The following INO80 variants were observed in gnomAD, a reference collection of about 807,000 sequenced individuals.
INO80 encodes INO80 complex ATPase subunit, also known as chromatin-remodeling ATPase INO80.
Under a neutral mutation model 203.4 loss-of-function variants are expected in INO80, and 20 were observed. That is an observed-to-expected ratio of 0.10 (90% confidence interval 0.07 to 0.14). INO80 has a LOEUF of 0.14. Among genes scored for constraint, INO80 ranks in the 10% least tolerant of loss-of-function variants. The pLI is 1.00. For synonymous variants in INO80, 726 were observed against 685.2 expected (o/e 1.06, Z -0.93); for missense variants, 1,419 against 1,914.4 (o/e 0.74, Z 4.83).
intron 24 of INO80, among the ~76,000 whole-genome samples, chr15:41,031,948 CACAGCACAGCACAGG>C (rs775289796): frequency 0.018 from 1,451 of 81,750 alleles, 121 homozygotes; most frequent in Middle Eastern, 0.03. Flanking sequence ...CACAGCACAG[CACAGCACAGCACAGG>C]ACAGCACAGC....
intron 21 of INO80, among the ~76,000 whole-genome samples, chr15:41,048,842 C>T (rs904815572): frequency 2.6e-5 from 4 of 152,148 alleles, no homozygotes; most frequent in African/African-American, 9.7e-5. Flanking sequence ...GAATGGAAGT[C>T]GTCTCTAGTG....
intron 24 of INO80, among the ~76,000 whole-genome samples, chr15:41,031,968 C>G (rs866090379): frequency 0.043 from 2,922 of 67,842 alleles, 149 homozygotes; most frequent in African/African-American, 0.13. Flanking sequence ...CACAGGACAG[C>G]ACAGCACAGC....
chr15:41,069,361 G>A (rs1007858653), intron 14 of INO80, among the ~76,000 whole-genome samples: 11 of 151,616 alleles, frequency 7.3e-5, no homozygotes, highest in South Asian at 2.1e-4. Context: ...TAGTAGAGAC[G>A]GGGTTTCACC....
At chr15:41,054,334 T>C (rs1007032353) in intron 18 of INO80, among the ~76,000 whole-genome samples, 6 of 152,190 alleles carry the variant, frequency 3.9e-5, no homozygotes, top group African/African-American at 4.8e-5. Context: ...CCCCAAAAAT[T>C]ACCTTCCAAA....
intron 27 of INO80, among the ~76,000 whole-genome samples, chr15:41,006,078 G>A (rs530182688): frequency 2.7e-5 from 4 of 150,856 alleles, no homozygotes; most frequent in South Asian, 4.2e-4. Flanking sequence ...TCACTGAAAC[G>A]AATGTGTTTC....
chr15:41,091,889 T>C (rs2045650005), intron 5 of INO80, 138 bp downstream of exon 5: 1 of 588,814 alleles, frequency 1.7e-6, no homozygotes, highest in East Asian at 2.8e-5. Flanking sequence ...CTTGACCTCA[T>C]GATCCGCCCG....
chr15:41,093,804 C>T (rs866938044), intron 4 of INO80, among the ~76,000 whole-genome samples: 2 of 151,874 alleles, frequency 1.3e-5, no homozygotes, highest in Admixed American at 6.6e-5. Flanking sequence ...GAGATTGTGC[C>T]ACCGCACTCC....
chr15:40,997,208 G>A, intron 29 of INO80, among the ~76,000 whole-genome samples: 1 of 151,998 alleles, frequency 6.6e-6, no homozygotes, highest in Non-Finnish European at 1.5e-5. Flanking sequence ...GGCTGGGGAG[G>A]TTGAAGCTAC....
rs1261756916 is a variant in INO80 at position 41,085,501 on chromosome 15, C to G, written c.741G>C (p.Gln247His). ...GAGAAAACTTGGCAAAGACTTTGGT[C>G]TGGTGGTGATGGCGACGAGGGGATT... Reference protein sequence around the residue: ...SEESPRRHHHQTKVFAKFSHD... With the variant: ...SEESPRRHHHHTKVFAKFSHD... Residue 247 changes from glutamine (Q) to histidine (H), a missense_variant, in exon 7 of 36, where the codon CAG (glutamine) becomes CAC (histidine). Transcript: ENST00000648947. 1 of 1,614,040 alleles carries G rather than the reference C, an allele frequency of 6.2e-7. No individual in the cohort carries two copies. Among genetic ancestry groups the G allele is most frequent in the Non-Finnish European group, 8.5e-7 (1 of 1,180,046 alleles).
intron 14 of INO80, among the ~76,000 whole-genome samples, chr15:41,061,686 T>G (rs1309613962): frequency 6.6e-6 from 1 of 152,006 alleles, no homozygotes; most frequent in Non-Finnish European, 1.5e-5. Flanking sequence ...AAAATGCTAA[T>G]TTGTTAATGA....
intron 28 of INO80, among the ~76,000 whole-genome samples, chr15:41,001,556 G>T (rs937602867): frequency 6.6e-6 from 1 of 152,210 alleles, no homozygotes; most frequent in Non-Finnish European, 1.5e-5. Flanking sequence ...GTCAGATAAT[G>T]GGGAGAGGAT....
At chr15:41,066,531 AG>A (rs988012896) in intron 14 of INO80, among the ~76,000 whole-genome samples, 2 of 151,748 alleles carry the variant, frequency 1.3e-5, no homozygotes, top group African/African-American at 4.9e-5. Flanking sequence ...TTGGGGCACT[AG>A]GAAAAAAAAA....
At chr15:41,030,638 A>C (rs1169245088) in intron 24 of INO80, among the ~76,000 whole-genome samples, 2 of 151,426 alleles carry the variant, frequency 1.3e-5, no homozygotes, top group African/African-American at 4.9e-5. Flanking sequence ...CTGGGATTAT[A>C]GGCATGAGCC....
chr15:41,069,584 C>G lies in INO80; in HGVS notation c.1768G>C (p.Val590Leu). The change falls in exon 14 of 36, where the codon GTT becomes CTT. Residue 590 changes from valine to leucine, a missense_variant. By Grantham distance (32) the Val-to-Leu change is conservative. Around this residue, in one of 9 missense-constraint regions of INO80, gnomAD observed 192 missense variants for 406.7 expected, o/e 0.47. Transcript: ENST00000648947. ...NNWHQEFTRF[V>L]PKFKVLPYWG... The stretch of plus-strand genomic sequence containing the variant: ...CTGATATTTACCTTAAATTTAGGAA[C>G]AAATCTAGTAAACTCCTGGTGCCAA... 6.3e-7 allele frequency: 1 copy of G among 1,594,922 alleles called. No homozygotes were observed. The highest frequency in any genetic ancestry group is 8.6e-7 in the Non-Finnish European group (1 of 1,165,768).
intron 28 of INO80, among the ~76,000 whole-genome samples, chr15:41,000,654 T>C (rs2140431650): frequency 7.1e-6 from 1 of 140,696 alleles, no homozygotes; most frequent in Middle Eastern, 4.1e-3. Flanking sequence ...CTAATTGCTC[T>C]ACTGTGTTCT....
chr15:40,982,784 C>T, intron 35 of INO80, 78 bp downstream of exon 35: 1 of 1,205,656 alleles, frequency 8.3e-7, no homozygotes, highest in Non-Finnish European at 1.2e-6. Flanking sequence ...GGGTTTCCTA[C>T]ATGTTCTACC....
At chr15:41,075,271 TTTTC>T (rs1431174314) in intron 9 of INO80, among the ~76,000 whole-genome samples, 1 of 150,908 alleles carries the variant, frequency 6.6e-6, no homozygotes, top group Non-Finnish European at 1.5e-5. Context: ...TGTCAGAAAC[TTTTC>T]TTTTTTTTTT....
intron 5 of INO80, among the ~76,000 whole-genome samples, chr15:41,090,969 G>A (rs1357016935): frequency 2.8e-5 from 4 of 144,204 alleles, no homozygotes; most frequent in African/African-American, 1.1e-4. Context: ...CTGTCACCCA[G>A]GCAAGAGTGC....
At chr15:40,987,261 G>A (rs2043749835) in intron 30 of INO80, 68 bp from the exon 31 acceptor site, 3 of 944,846 alleles carry the variant, frequency 3.2e-6, no homozygotes, top group Admixed American at 1.8e-5. Flanking sequence ...TCCAGAAAAA[G>A]ATACACATCG....
Sources: allele counts gnomAD v4.1 joint callset (sites outside exome capture counted in the v4.1 genomes callset), GRCh38; gene constraint gnomAD v4.1.1; regional missense constraint gnomAD v4.1.1; transcripts MANE v1.5; gene names NCBI Gene and HGNC (gene_info 2026-07-23, HGNC 2026-07-21).